The following GRSF1 variants were observed in gnomAD, a reference collection of about 807,000 sequenced individuals.
GRSF1 encodes G-rich RNA sequence binding factor 1, also known as G-rich sequence factor 1.
In GRSF1, 50 loss-of-function variants were observed where a neutral mutation model predicts 51.1. The observed-to-expected ratio is 0.98, with a 90% CI of 0.78 to 1.24. The LOEUF (loss-of-function observed/expected upper bound fraction) is 1.24, where lower values mean the gene tolerates loss of function less well. GRSF1 is among the 50% of genes most tolerant of loss of function. The pLI is 0.00. For missense variants in GRSF1, 700 were observed against 639.7 expected, an observed-to-expected ratio of 1.09 and a Z score of -1.02; for synonymous variants, 293 against 253.3, an observed-to-expected ratio of 1.16 and a Z score of -1.49.
At chr4:70,828,730 C>G (rs1733832356) in intron 5 of GRSF1, among the ~76,000 whole-genome samples, 1 of 135,334 alleles carries the variant, frequency 7.4e-6, no homozygotes, top group Admixed American at 8.3e-5. Flanking sequence ...CCACCACACA[C>G]TGCTAATTTT....
chr4:70,839,878 GTGGAACGGA>G lies in GRSF1; in HGVS notation c.-60_-52del. 7.0e-7 allele frequency: 1 copy of G among 1,421,882 alleles called. No individual in the cohort carries two copies. Among genetic ancestry groups the G allele is most frequent in the Non-Finnish European group, 9.1e-7 (1 of 1,095,654 alleles). 88.1% of individuals were successfully genotyped at this position (1,421,882 alleles called of 1,614,324 possible). On this transcript the variant is annotated 5_prime_UTR_variant, in exon 1 of 10. Transcript: ENST00000254799. ...GAAGGCAGCTGCTCCAGCAGCGATG[GTGGAACGGA>G]AGTGGAATCCAGGGCCGGTTGGGGG... is the stretch of plus-strand genomic sequence containing the variant.
At chr4:70,827,386 C>G (rs977146040) in intron 6 of GRSF1, among the ~76,000 whole-genome samples, 6 of 152,102 alleles carry the variant, frequency 3.9e-5, no homozygotes, top group Non-Finnish European at 1.5e-5. Flanking sequence ...CCTTTTATCA[C>G]ATTTTTACTA....
intron 4 of GRSF1, 104 bp downstream of exon 4, chr4:70,832,203 A>G (rs770087144): frequency 2.4e-6 from 2 of 816,538 alleles, no homozygotes; most frequent in Non-Finnish European, 3.8e-6. Context: ...AGAACCTAAT[A>G]TAACTGCATG....
At position 70,839,635 on chromosome 4, in the gene GRSF1, C is replaced by T. The variant is rs1172447473; in HGVS notation, c.193G>A (p.Gly65Ser). The T allele has an allele frequency of 1.1e-5, 16 of 1,399,922 alleles. No individual in the cohort carries two copies. The South Asian group carries it at 1.3e-4, about 11-fold the overall frequency. 86.7% of individuals were successfully genotyped at this position (1,399,922 alleles called of 1,614,324 possible). A position where few individuals can be genotyped will look rare whatever the true frequency, so the allele number is the denominator to read the frequency against. ...AAAAAASQTR[G>S]LQTGPVPPGR... ...GGAGGCACAGGCCCGGTCTGGAGGC[C>T]ACGCGTCTGGGAGGCAGCGGCCGCG... The change falls in exon 1 of 10, where the codon GGC becomes AGC. Residue 65 changes from glycine (G) to serine (S), a missense_variant. By Grantham distance (56) the Gly-to-Ser change is moderately conservative (BLOSUM62 0). Coordinates refer to ENST00000254799, the MANE Select transcript of GRSF1 (RefSeq NM_002092.4).
upstream of GRSF1, among the ~76,000 whole-genome samples, chr4:70,842,194 A>G (rs776880581): frequency 2.6e-5 from 4 of 152,044 alleles, no homozygotes; most frequent in Non-Finnish European, 5.9e-5. Flanking sequence ...CTTGTTCGTG[A>G]TTTGTTCTTG....
chr4:70,825,997 A>G, intron 7 of GRSF1, 127 bp downstream of exon 7: 1 of 746,374 alleles, frequency 1.3e-6, no homozygotes, highest in Non-Finnish European at 2.2e-6. Context: ...GCAACCAGGA[A>G]GATGCCATCT....
At position 70,819,811 on chromosome 4, in the gene GRSF1, A is replaced by G. The variant is rs575499680; in HGVS notation, c.*1076T>C. On this transcript the variant is annotated 3_prime_UTR_variant, in exon 10 of 10. Transcript: ENST00000254799. ...TAGTTTATTAATGACTATATTTTGA[A>G]GCCAGCCATTTTGTCCAATATTTAA... The G allele has an allele frequency of 5.9e-5, 9 of 152,782 alleles. No individual in the cohort carries two copies. Among genetic ancestry groups the G allele is most frequent in the African/African-American group, 1.9e-4 (8 of 41,582 alleles). The allele number at this position is 152,782 out of a possible 1,614,324, so 9.5% of individuals were successfully genotyped here.
rs1049989803 is a variant in GRSF1, at chr4:70,836,263, A to G, written c.409T>C (p.Leu137=). Residue 137 remains leucine (L), a synonymous_variant, in exon 2 of 10, where the codon TTG becomes CTG. Coordinates refer to ENST00000254799, the MANE Select transcript of GRSF1 (RefSeq NM_002092.4). ...TCCTCTTCTAACTTGGACGGGGCCA[A>G]TTCATACTCAGGGGGTGGTGGAAGG... ...EDLPPPPEYE[L]APSKLEEEVD... is the part of the protein sequence containing the mutation. 7 of 1,606,496 alleles carry G rather than the reference A, an allele frequency of 4.4e-6. No individual in the cohort carries two copies. The Admixed American group carries it at 6.9e-5, about 16-fold the overall frequency.
intron 2 of GRSF1, among the ~76,000 whole-genome samples, chr4:70,835,813 G>A (rs182126017): frequency 6.6e-6 from 1 of 152,306 alleles, no homozygotes; most frequent in East Asian, 1.9e-4. Context: ...AATTGAGACA[G>A]TCTCACAGTG....
chr4:70,831,477 C>T, intron 5 of GRSF1, 62 bp downstream of exon 5: 1 of 1,425,090 alleles, frequency 7.0e-7, no homozygotes, highest in Non-Finnish European at 9.8e-7. Context: ...CATATTACAG[C>T]ACATTCATCA....
chr4:70,834,718 T>A (rs1050762094), intron 2 of GRSF1, among the ~76,000 whole-genome samples: 2 of 152,130 alleles, frequency 1.3e-5, no homozygotes, highest in Admixed American at 6.5e-5. Flanking sequence ...GCCTCCCAGA[T>A]TCAAGCGATT....
At chr4:70,838,219 CAA>C (rs35303311) in intron 1 of GRSF1, among the ~76,000 whole-genome samples, 6,174 of 94,424 alleles carry the variant, frequency 0.065, 252 homozygotes, top group African/African-American at 0.2. Context: ...ACTCGGTCTC[CAA>C]AAAAAAAAAA....
chr4:70,822,626 G>A (rs1200469457), intron 9 of GRSF1, among the ~76,000 whole-genome samples: 5 of 148,436 alleles, frequency 3.4e-5, no homozygotes, highest in African/African-American at 1.2e-4. Flanking sequence ...CTGAGAAAAT[G>A]GAAAACGTGT....
rs572719619 is a variant in GRSF1, at chr4:70,819,895, C to T, written c.*992G>A. On this transcript the variant is annotated 3_prime_UTR_variant, in exon 10 of 10. Transcript: ENST00000254799. ...CTGCCACATTGTGACAGAAGTACAG[C>T]TTTATCCATAAACCCTTCACACAAT... 1.3e-5 allele frequency: 2 copies of T among 152,728 alleles called. No homozygotes were observed. The highest frequency in any genetic ancestry group is 4.8e-5 in the African/African-American group (2 of 41,550). The allele number at this position is 152,728 out of a possible 1,614,324, so 9.5% of individuals were successfully genotyped here. A position where few individuals can be genotyped will look rare whatever the true frequency, so the allele number is the denominator to read the frequency against.
At chr4:70,824,526 T>C (rs995427838) in intron 8 of GRSF1, among the ~76,000 whole-genome samples, 158 bp from the exon 9 acceptor site, 1 of 152,106 alleles carries the variant, frequency 6.6e-6, no homozygotes, top group African/African-American at 2.4e-5. Context: ...TCACGCCTAT[T>C]GTAATCCCAG....
intron 8 of GRSF1, 64 bp downstream of exon 8, chr4:70,825,230 GAA>G: frequency 7.3e-7 from 1 of 1,367,926 alleles, no homozygotes; most frequent in Non-Finnish European, 1.0e-6. Context: ...TCCCAAAACA[GAA>G]AAAGATATTT....
Position 70,828,119 on chromosome 4 carries a change from T to C in GRSF1, c.951-83A>G, listed in dbSNP as rs547764462. The C allele has an allele frequency of 2.3e-5, 22 of 962,748 alleles. No homozygotes were observed. In the East Asian group the frequency reaches 5.0e-4, roughly 22 times the overall value. The allele number at this position is 962,748 out of a possible 1,614,324, so 59.6% of individuals were successfully genotyped here. On this transcript the variant is annotated intron_variant, in intron 5 of 9. Transcript: ENST00000254799. The stretch of plus-strand genomic sequence containing the variant: ...TCATTTAAAATAAACATGTATACAT[T>C]ATATTTCCAACAGCTTATGAAACAC...
At chr4:70,823,170 C>T (rs1362977507) in intron 9 of GRSF1, among the ~76,000 whole-genome samples, 1 of 151,844 alleles carries the variant, frequency 6.6e-6, no homozygotes, top group Non-Finnish European at 1.5e-5. Flanking sequence ...CCGAGGCAGG[C>T]GGATCACCTG....
At chr4:70,836,451 G>A in intron 1 of GRSF1, 137 bp from the exon 2 acceptor site, 1 of 622,072 alleles carries the variant, frequency 1.6e-6, no homozygotes, top group Non-Finnish European at 2.6e-6. Context: ...CTTCACCAAT[G>A]TAACCCATCC....
Sources: allele counts gnomAD v4.1 joint callset (sites outside exome capture counted in the v4.1 genomes callset), GRCh38; gene constraint gnomAD v4.1.1; transcripts MANE v1.5; gene names NCBI Gene and HGNC (gene_info 2026-07-23, HGNC 2026-07-21).